The following RPL36A variants were observed in gnomAD, a reference collection of about 807,000 sequenced individuals.
RPL36A encodes large ribosomal subunit protein eL42.
For missense variants in RPL36A, 20 were observed against 81.0 expected, an observed-to-expected ratio of 0.25 and a Z score of 2.89; for synonymous variants, 25 against 28.5, an observed-to-expected ratio of 0.88 and a Z score of 0.39.
At chrX:101,395,546 G>A in intron 4 of RPL36A, 89 bp downstream of exon 4, 1 of 1,132,146 alleles carries the variant, frequency 8.8e-7, no homozygotes. Flanking sequence ...ATAGAGCTCA[G>A]GGGTAATCCT....
intron 3 of RPL36A, among the ~76,000 whole-genome samples, chrX:101,394,827 C>T (rs1360944763): frequency 1.2e-5 from 1 of 85,518 alleles, no homozygotes; most frequent in Non-Finnish European, 2.2e-5. Context: ...CTCTGTTTCC[C>T]TGGCTGGAGT....
chrX:101,391,027 A>G lies in RPL36A; in HGVS notation c.-17A>G. On this transcript the variant is annotated 5_prime_UTR_variant, in exon 1 of 5. Transcript: ENST00000553110. ...TCGCGGTTTCTTTCTTTCCGCGCCG[A>G]TAGCGCTCACGCAAGCATGGTAGGA... The G allele has an allele frequency of 1.6e-6, 2 of 1,212,142 alleles. No homozygotes were observed. The highest frequency in any genetic ancestry group is 2.2e-6 in the Non-Finnish European group (2 of 895,559).
chrX:101,391,835 TA>T lies in RPL36A; in HGVS notation c.177+14del, dbSNP rs1569300556. The T allele has an allele frequency of 7.5e-6, 9 of 1,206,919 alleles. No individual in the cohort carries two copies. Among genetic ancestry groups the T allele is most frequent in the Non-Finnish European group, 7.8e-6 (7 of 893,673 alleles). ...TTTCCGGAAAAAGGTGAGTGGTAGT[TA>T]CTATTTGACGTTTCCCAGTTAATTG... On this transcript the variant is annotated intron_variant, in intron 3 of 4. Transcript: ENST00000553110.
At chrX:101,394,056 G>C (rs1213212176) in intron 3 of RPL36A, among the ~76,000 whole-genome samples, 1 of 111,981 alleles carries the variant, frequency 8.9e-6, no homozygotes, top group Non-Finnish European at 1.9e-5. Context: ...AAGGCCGTGC[G>C]TGGTGGCTCG....
At chrX:101,392,573 C>T in intron 3 of RPL36A, 1 of 754,468 alleles carries the variant, frequency 1.3e-6, no homozygotes, top group Non-Finnish European at 1.6e-6. Flanking sequence ...GAGGTTCTAA[C>T]TAGGTTTTGG....
chrX:101,393,980 T>C (rs1380970932), intron 3 of RPL36A: 4 of 112,552 alleles, frequency 3.6e-5, no homozygotes, highest in Non-Finnish European at 7.5e-5. Flanking sequence ...GTAGCATGTT[T>C]GCAATTTTTT....
chrX:101,391,012 T>C lies in RPL36A; in HGVS notation c.-32T>C. 8.2e-7 allele frequency: 1 copy of C among 1,212,376 alleles called. No individual in the cohort carries two copies. Among genetic ancestry groups the C allele is most frequent in the Non-Finnish European group, 1.1e-6 (1 of 895,659 alleles). On this transcript the variant is annotated 5_prime_UTR_variant, in exon 1 of 5. Transcript: ENST00000553110. ...ATACTTCCGTTTGCCTCGCGGTTTC[T>C]TTCTTTCCGCGCCGATAGCGCTCAC...
chrX:101,393,859 A>G (rs1927915671), intron 3 of RPL36A: 1 of 105,204 alleles, frequency 9.5e-6, no homozygotes, highest in Non-Finnish European at 2.0e-5. Flanking sequence ...TTAGAAAAAC[A>G]TAAGGAAATA....
intron 3 of RPL36A, among the ~76,000 whole-genome samples, chrX:101,394,510 G>T (rs868949893): frequency 8.4e-4 from 90 of 106,621 alleles, no homozygotes; most frequent in African/African-American, 2.9e-3. Context: ...CTGGGCTCAA[G>T]TGATCCTGCC....
chrX:101,392,841 G>A (rs1927865140), intron 3 of RPL36A: 2 of 131,834 alleles, frequency 1.5e-5, no homozygotes, highest in African/African-American at 3.3e-5. Context: ...ACCTATACGC[G>A]GCCAGGCACG....
intron 1 of RPL36A, 87 bp downstream of exon 1, chrX:101,391,133 C>T (rs1927782154): frequency 1.9e-6 from 2 of 1,028,812 alleles, no homozygotes; most frequent in East Asian, 3.0e-5. Flanking sequence ...TGGGTCCAGG[C>T]TCCTGTGTGG....
chrX:101,394,791 T>TATA lies in RPL36A; in HGVS notation c.178-544_178-543insATA, dbSNP rs11454818. ...TATATATATAATATATATATATATA[T>TATA]TTTTTTTTTTTTTTTGAGATGGAGT... On this transcript the variant is annotated intron_variant, in intron 3 of 4. Transcript: ENST00000553110. Among the ~76,000 whole-genome samples, 10 of 55,914 alleles carry TATA rather than the reference T, an allele frequency of 1.8e-4. No homozygotes were observed. The East Asian group carries it at 2.0e-3, about 11-fold the overall frequency. 48.6% of individuals were successfully genotyped at this position (55,914 alleles called of 115,157 possible). A position where few individuals can be genotyped will look rare whatever the true frequency, so the allele number is the denominator to read the frequency against.
intron 1 of RPL36A, 155 bp from the exon 2 acceptor site, chrX:101,391,304 T>C (rs1927791272): frequency 1.9e-5 from 13 of 690,380 alleles, no homozygotes; most frequent in Non-Finnish European, 2.7e-5. Flanking sequence ...GGGAGGAAGC[T>C]CTGCTTGAAG....
intron 2 of RPL36A, 60 bp downstream of exon 2, chrX:101,391,624 C>A: frequency 2.5e-6 from 3 of 1,192,951 alleles, no homozygotes; most frequent in South Asian, 3.6e-5. Flanking sequence ...GAATAACATA[C>A]GAGTCCGGGT....
intron 4 of RPL36A, 64 bp from the exon 5 acceptor site, chrX:101,395,664 A>C: frequency 1.7e-6 from 2 of 1,152,517 alleles, no homozygotes; most frequent in East Asian, 3.0e-5. Flanking sequence ...GGAACAGATA[A>C]TGTTCTTAAT....
At chrX:101,395,204 C>T in intron 3 of RPL36A, 131 bp from the exon 4 acceptor site, 1 of 652,707 alleles carries the variant, frequency 1.5e-6, no homozygotes, top group South Asian at 4.5e-5. Flanking sequence ...TAAAGCAAAG[C>T]ATTGCAAAAG....
chrX:101,395,512 A>T lies in RPL36A; in HGVS notation c.300+55A>T, dbSNP rs782357572. The T allele has an allele frequency of 1.9e-5, 23 of 1,181,806 alleles. No individual in the cohort carries two copies. In the African/African-American group the frequency reaches 3.9e-4, roughly 20 times the overall value. ...TTTTTCATAGCTTTATTATTTGAAA[A>T]GGTGAACATCTATTCATTGTGGCAT... On this transcript the variant is annotated intron_variant, in intron 4 of 4. Transcript: ENST00000553110.
chrX:101,394,401 G>A (rs1927939829), intron 3 of RPL36A, among the ~76,000 whole-genome samples: 1 of 109,084 alleles, frequency 9.2e-6, no homozygotes, highest in Non-Finnish European at 1.9e-5. Flanking sequence ...TCAGTTGAAT[G>A]GACATAAATT....
At position 101,396,065 on chromosome X, in the gene RPL36A, A is replaced by T; in HGVS notation, c.*317A>T. The T allele has an allele frequency of 3.8e-6, 1 of 262,708 alleles. No individual in the cohort carries two copies. Among genetic ancestry groups the T allele is most frequent in the South Asian group, 1.0e-4 (1 of 9,951 alleles). The allele number at this position is 262,708 out of a possible 1,213,427, so 21.7% of individuals were successfully genotyped here. ...ATAGGGAGAAGTCAGTAACACATTC[A>T]TAGTGAATATGAGATGTCTTTGCTA... On this transcript the variant is annotated 3_prime_UTR_variant, in exon 5 of 5. Coordinates refer to ENST00000553110, the MANE Select transcript of RPL36A (RefSeq NM_021029.6).
Sources: gnomAD v4.1 joint callset for allele counts (sites outside exome capture counted in the v4.1 genomes callset) on GRCh38, gnomAD v4.1.1 for gene constraint, MANE v1.5 for transcripts, NCBI Gene and HGNC (gene_info 2026-07-23, HGNC 2026-07-21) for gene names.